LAMB4: variants seen among roughly 807,000 people sequenced by gnomAD.
LAMB4 encodes the protein laminin subunit beta 4, also known as laminin subunit beta-4.
LAMB4 carries 196 observed loss-of-function variants against 199.2 expected under a neutral mutation model. That is an observed-to-expected ratio of 0.98 (90% CI 0.88 to 1.11). The LOEUF is 1.11. LAMB4 is among the 50% of genes least tolerant of loss of function. The probability of loss-of-function intolerance (pLI) is 0.00; values close to 1 mark genes in which losing one functional copy is unlikely to be tolerated. For missense variants in LAMB4, 2,080 were observed against 2,171.2 expected (o/e 0.96, Z 0.83); for synonymous variants, 744 against 770.6 (o/e 0.97, Z 0.57).
chr7:108,112,165 A>G (rs1156780260), intron 3 of LAMB4, among the ~76,000 whole-genome samples: 1 of 152,232 alleles, frequency 6.6e-6, no homozygotes, highest in East Asian at 1.9e-4. Context: ...TGGAATAAAA[A>G]TGCAAATTTA....
chr7:108,029,703 T>G (rs1456392535), intron 32 of LAMB4, among the ~76,000 whole-genome samples: 1 of 152,016 alleles, frequency 6.6e-6, no homozygotes, highest in Non-Finnish European at 1.5e-5. Flanking sequence ...GGTATGGAGA[T>G]CCCCCTTGAA....
intron 23 of LAMB4, among the ~76,000 whole-genome samples, chr7:108,060,634 AG>A (rs1437553741): frequency 6.6e-6 from 1 of 152,234 alleles, no homozygotes; most frequent in Admixed American, 6.5e-5. Context: ...CCTATGTCAA[AG>A]GGACACAGGA....
chr7:108,029,140 T>C lies in LAMB4; in HGVS notation c.5049A>G (p.Thr1683=). ...TTCCTAATGTCTCCTTTGTTAGTCC[T>C]GTAGTGCTTGTCTTACGTTGGAGAA... ...YAILQRKTST[T]GLTKETLGKV... The change falls in exon 33 of 34, where the codon ACA becomes ACG. Residue 1683 remains threonine, a synonymous_variant. Coordinates refer to ENST00000388781, the MANE Select transcript of LAMB4 (RefSeq NM_007356.3). The C allele has an allele frequency of 1.2e-6, 2 of 1,613,918 alleles. No homozygotes were observed. Among genetic ancestry groups the C allele is most frequent in the South Asian group, 1.1e-5 (1 of 90,974 alleles).
At position 108,126,215 on chromosome 7, in the gene LAMB4, A is replaced by T. The variant is rs73725357; in HGVS notation, c.-33-3018T>A. ...TTCCTTTTTGAAATATTTATTTTTA[A>T]TTGTGGTAGAAATACACCTACATAA... On this transcript the variant is annotated intron_variant, in intron 1 of 33. Coordinates refer to ENST00000388781, the MANE Select transcript of LAMB4 (RefSeq NM_007356.3). Among the ~76,000 whole-genome samples the T allele has an allele frequency of 6.6e-3, 1,001 of 152,300 alleles. 17 individuals are homozygous for T. The highest frequency in any genetic ancestry group is 0.023 in the African/African-American group (954 of 41,570).
At chr7:108,096,194 C>T (rs1025233049) in intron 11 of LAMB4, among the ~76,000 whole-genome samples, 1 of 152,156 alleles carries the variant, frequency 6.6e-6, no homozygotes, top group Non-Finnish European at 1.5e-5. Flanking sequence ...TAGCAACCAC[C>T]GTGCTGCTTT....
In LAMB4 at chr7:108,079,638, G is replaced by A; in HGVS notation, c.1850C>T (p.Pro617Leu). The A allele has an allele frequency of 6.2e-7, 1 of 1,612,586 alleles. No homozygotes were observed. Among genetic ancestry groups the A allele is most frequent in the Non-Finnish European group, 8.5e-7 (1 of 1,179,468 alleles). ...LRFAVNNIPFPVDFTIAIHYE... is the reference protein window; with the variant it reads ...LRFAVNNIPFLVDFTIAIHYE... ...GTGAATGGCAATGGTGAAGTCCACAGGAAAGGGAATGTTGTTGACAGCAAA... is the reference window on the plus strand; with the variant it reads ...GTGAATGGCAATGGTGAAGTCCACAAGAAAGGGAATGTTGTTGACAGCAAA... Residue 617 changes from proline to leucine, a missense_variant, in exon 15 of 34, where the codon CCT becomes CTT. Pro to Leu is a moderately conservative substitution (Grantham distance 98). Transcript: ENST00000388781.
chr7:108,030,961 C>T lies in LAMB4; in HGVS notation c.4837G>A (p.Glu1613Lys). ...NVLQAENQTR[E>K]MKSELELAKQ... Reference sequence around the variant, plus strand: ...GCTAACTCCAGCTCACTCTTCATTTCCCTGGTTTGATTTTCAGCCTGTTGT... The same window carrying T: ...GCTAACTCCAGCTCACTCTTCATTTTCCTGGTTTGATTTTCAGCCTGTTGT... Residue 1613 changes from glutamate to lysine, a missense_variant, in exon 32 of 34, where the codon GAA becomes AAA. By Grantham distance (56) the Glu-to-Lys change is moderately conservative. Coordinates refer to ENST00000388781, the MANE Select transcript of LAMB4 (RefSeq NM_007356.3). The T allele has an allele frequency of 6.2e-7, 1 of 1,612,640 alleles. No individual in the cohort carries two copies. The highest frequency in any genetic ancestry group is 8.5e-7 in the Non-Finnish European group (1 of 1,179,448).
intron 23 of LAMB4, among the ~76,000 whole-genome samples, chr7:108,059,522 T>G (rs1283920409): frequency 6.6e-6 from 1 of 152,152 alleles, no homozygotes; most frequent in East Asian, 1.9e-4. Context: ...TTGTCTCCCT[T>G]TGGGCACGTA....
In LAMB4 at chr7:108,055,040, C is replaced by T. The variant is rs540744985; in HGVS notation, c.3755+592G>A. 1.9e-4 allele frequency among the ~76,000 whole-genome samples: 29 copies of T among 152,240 alleles called. No individual in the cohort carries two copies. The South Asian group carries it at 5.8e-3, about 30-fold the overall frequency. The stretch of plus-strand genomic sequence containing the variant: ...AAAAATATGTTGTTTTTGAAACTAC[C>T]ATACTTCCAATTTTATATCTTTCAG... On this transcript the variant is annotated intron_variant, in intron 25 of 33. Coordinates refer to ENST00000388781, the MANE Select transcript of LAMB4 (RefSeq NM_007356.3).
rs866217753 is a variant in LAMB4, at chr7:108,024,181, G to T, written c.5147-3C>A. 3.3e-6 allele frequency: 5 copies of T among 1,519,926 alleles called. No homozygotes were observed. In the Admixed American group the frequency reaches 5.8e-5, roughly 18 times the overall value. 94.2% of individuals were successfully genotyped at this position (1,519,926 alleles called of 1,614,324 possible). A position where few individuals can be genotyped will look rare whatever the true frequency, so the allele number is the denominator to read the frequency against. On this transcript the variant is annotated splice_region_variant and splice_polypyrimidine_tract_variant and intron_variant, in intron 33 of 33. Transcript: ENST00000388781. ...ATCTTGGATTTTCCTTTCTAAATCT[G>T]AAAGAAGAAAATGAAAGAAATGATA...
Position 108,062,784 on chromosome 7 carries a change from TG to T in LAMB4, c.3271del (p.His1091ThrfsTer13), listed in dbSNP as rs777497432. 1 of 1,432,698 alleles carries T rather than the reference TG, an allele frequency of 7.0e-7. No homozygotes were observed. The highest frequency in any genetic ancestry group is 9.2e-7 in the Non-Finnish European group (1 of 1,087,056). The allele number at this position is 1,432,698 out of a possible 1,614,324, so 88.7% of individuals were successfully genotyped here. Reference protein sequence around the residue: ...DCDPRTSQSSHCDQLTGQCPC... With the variant: ...DCDPRTSQSSXCDQLTGQCPC... ...TTTAAAGTATCTTGCCTGGTCACAG[TG>T]GCTACTTTGAGAGGTCCTAGGGTCA... On this transcript the variant is annotated frameshift_variant, in exon 23 of 34. Transcript: ENST00000388781. LOFTEE classifies it high-confidence loss of function.
rs1250407436 is a variant in LAMB4 at position 108,065,870 on chromosome 7, G to A, written c.2728C>T (p.Pro910Ser). Residue 910 changes from proline to serine, a missense_variant, in exon 21 of 34, where the codon CCT (proline) becomes TCT (serine). Transcript: ENST00000388781. ...GNPSSGQPCR[P>S]CLCPDDPSSN... ...GAGGGATCATCTGGACACAGGCAAGGACGACAGGGCTGTCCTGAAGAAGGA... is the reference window on the plus strand; with the variant it reads ...GAGGGATCATCTGGACACAGGCAAGAACGACAGGGCTGTCCTGAAGAAGGA... The A allele has an allele frequency of 1.4e-5, 23 of 1,613,962 alleles. 1 individual carries two copies. The highest frequency in any genetic ancestry group is 1.9e-5 in the Non-Finnish European group (23 of 1,179,946).
At position 108,069,711 on chromosome 7, in the gene LAMB4, C is replaced by T. The variant is rs772682081; in HGVS notation, c.2299G>A (p.Val767Met). 1.8e-5 allele frequency: 29 copies of T among 1,613,098 alleles called. No homozygotes were observed. Among genetic ancestry groups the T allele is most frequent in the Non-Finnish European group, 2.5e-5 (29 of 1,179,406 alleles). Residue 767 changes from valine (V) to methionine (M), a missense_variant, in exon 18 of 34, where the codon GTG becomes ATG. Val to Met is a conservative substitution (Grantham distance 21). Transcript: ENST00000388781. ...AGCCCATTAAACAGATACTTACCCA[C>T]AGCCCCATCATGCAGCTTGGCAGAC... ...SMSAKLHDGA[V>M]ACKCHPQGSV... is the part of the protein sequence containing the mutation.
chr7:108,022,962 C>T (rs2034723073), downstream of LAMB4, among the ~76,000 whole-genome samples: 1 of 152,088 alleles, frequency 6.6e-6, no homozygotes, highest in South Asian at 2.1e-4. Flanking sequence ...CAAGCGTGCA[C>T]CACCATGCCC....
intron 22 of LAMB4, among the ~76,000 whole-genome samples, chr7:108,063,230 T>G (rs1344511905): frequency 1.3e-5 from 2 of 152,158 alleles, no homozygotes; most frequent in African/African-American, 4.8e-5. Flanking sequence ...GAGCTCACAG[T>G]TAGGATGATT....
intron 4 of LAMB4, among the ~76,000 whole-genome samples, chr7:108,110,393 T>G (rs574261710): frequency 6.6e-6 from 1 of 152,314 alleles, no homozygotes; most frequent in African/African-American, 2.4e-5. Flanking sequence ...TCTGGGATGT[T>G]TTTACACTTC....
intron 25 of LAMB4, among the ~76,000 whole-genome samples, chr7:108,055,374 A>AG (rs1453988954): frequency 6.6e-6 from 1 of 152,012 alleles, no homozygotes; most frequent in African/African-American, 2.4e-5. Context: ...TTTAGTAGAG[A>AG]GGGGGTTTCT....
intron 3 of LAMB4, among the ~76,000 whole-genome samples, chr7:108,114,532 C>T (rs1164624448): frequency 6.6e-6 from 1 of 152,204 alleles, no homozygotes; most frequent in African/African-American, 2.4e-5. Context: ...CATGTAATTT[C>T]CTTGCACATG....
chr7:108,031,331 CAA>C (rs60572529), intron 31 of LAMB4, among the ~76,000 whole-genome samples: 13 of 14,964 alleles, frequency 8.7e-4, no homozygotes, highest in Non-Finnish European at 1.3e-3. Context: ...TCAACAATAA[CAA>C]AAAAAAAAAA....
Sources: gnomAD v4.1 joint callset for allele counts (sites outside exome capture counted in the v4.1 genomes callset) on GRCh38, gnomAD v4.1.1 for gene constraint, MANE v1.5 for transcripts, NCBI Gene and HGNC (gene_info 2026-07-23, HGNC 2026-07-21) for gene names.